Variants in KCNMA1 observed in about 807,000 individuals in gnomAD.
The protein encoded by KCNMA1 is Calcium-activated potassium channel subunit alpha-1.
A neutral mutation model predicts 140.0 loss-of-function variants in KCNMA1; 29 were observed. The ratio of observed to expected loss-of-function variants is 0.21; its 90% CI spans 0.15 to 0.28. KCNMA1 has a LOEUF of 0.28. Ranked by LOEUF, KCNMA1 falls within the 10% of genes least tolerant of loss-of-function variation. The probability of loss-of-function intolerance (pLI) is 1.00; values close to 1 mark genes in which losing one functional copy is unlikely to be tolerated. For synonymous variants in KCNMA1, 612 were observed against 611.9 expected, an observed-to-expected ratio of 1.00 and a Z score of 0.00; for missense variants, 880 against 1,602.2, an observed-to-expected ratio of 0.55 and a Z score of 7.70.
At chr10:77,155,064 G>A (rs2098467210) in intron 5 of KCNMA1, among the ~76,000 whole-genome samples, 1 of 152,136 alleles carries the variant, frequency 6.6e-6, no homozygotes, top group South Asian at 2.1e-4. Flanking sequence ...GAAGAAGCCT[G>A]GGGGGTGCAG....
At chr10:76,989,254 T>A (rs2082096434) in intron 19 of KCNMA1, among the ~76,000 whole-genome samples, 2 of 152,132 alleles carry the variant, frequency 1.3e-5, no homozygotes, top group South Asian at 4.1e-4. Flanking sequence ...CCTGTAAGAA[T>A]CTTCTGGGCT....
intron 1 of KCNMA1, among the ~76,000 whole-genome samples, chr10:77,488,591 G>A (rs1024507765): frequency 6.6e-6 from 1 of 152,188 alleles, no homozygotes; most frequent in Non-Finnish European, 1.5e-5. Context: ...CGGCTCAGCA[G>A]CAGCTCTGTG....
At chr10:77,404,631 G>C (rs1258260045) in intron 1 of KCNMA1, among the ~76,000 whole-genome samples, 2 of 152,186 alleles carry the variant, frequency 1.3e-5, no homozygotes, top group African/African-American at 4.8e-5. Context: ...TGAGGAGGGA[G>C]GAGGAAAGTG....
At chr10:77,427,373 G>A (rs1301833152) in intron 1 of KCNMA1, among the ~76,000 whole-genome samples, 1 of 152,224 alleles carries the variant, frequency 6.6e-6, no homozygotes, top group Non-Finnish European at 1.5e-5. Flanking sequence ...AGATGTTATT[G>A]GACGGGTTCT....
At chr10:77,576,708 G>A (rs1044794580) in intron 1 of KCNMA1, among the ~76,000 whole-genome samples, 13 of 152,268 alleles carry the variant, frequency 8.5e-5, no homozygotes, top group African/African-American at 3.1e-4. Flanking sequence ...GACTGCAAAG[G>A]AAGAAGATCC....
At chr10:77,561,218 A>ATTATCTCCCTGGATGGTATAGTAG (rs2066290737) in intron 1 of KCNMA1, among the ~76,000 whole-genome samples, 2 of 152,160 alleles carry the variant, frequency 1.3e-5, no homozygotes, top group Non-Finnish European at 1.5e-5. Context: ...CTTCACACAC[A>ATTATCTCCCTGGATGGTATAGTAG]TTATCTCCCT....
At chr10:77,344,147 C>T (rs1357399075) in intron 2 of KCNMA1, among the ~76,000 whole-genome samples, 1 of 152,212 alleles carries the variant, frequency 6.6e-6, no homozygotes, top group Non-Finnish European at 1.5e-5. Flanking sequence ...TGGAAATTTA[C>T]AGGAGCAACT....
intron 2 of KCNMA1, among the ~76,000 whole-genome samples, chr10:77,395,173 C>T (rs911364762): frequency 3.8e-4 from 57 of 151,834 alleles, no homozygotes; most frequent in African/African-American, 1.4e-3. Context: ...ACAGTAGAAC[C>T]CCATCAGTAC....
At chr10:77,416,194 C>T (rs569530735) in intron 1 of KCNMA1, among the ~76,000 whole-genome samples, 1 of 152,174 alleles carries the variant, frequency 6.6e-6, no homozygotes, top group East Asian at 1.9e-4. Flanking sequence ...CTTCAGGGGC[C>T]CAGGGTGTGT....
chr10:77,252,613 C>A (rs1354981731), intron 2 of KCNMA1, among the ~76,000 whole-genome samples: 2 of 151,640 alleles, frequency 1.3e-5, no homozygotes, highest in Admixed American at 6.6e-5. Flanking sequence ...TTTACACCCA[C>A]CCACACACAC....
At chr10:76,882,962 C>T (rs951744614), downstream of KCNMA1, among the ~76,000 whole-genome samples, 3 of 152,210 alleles carry the variant, frequency 2.0e-5, no homozygotes, top group Non-Finnish European at 4.4e-5. Context: ...TCCTCTTTCT[C>T]CTTCAAGGAG....
intron 2 of KCNMA1, among the ~76,000 whole-genome samples, chr10:77,316,114 TTTATTAATTTTCCACTTGA>T (rs2080815861): frequency 6.6e-6 from 1 of 152,166 alleles, no homozygotes; most frequent in Admixed American, 6.5e-5. Flanking sequence ...TCCTTTCTGG[TTTATTAATTTTCCACTTGA>T]CTGGACCAAA....
At chr10:77,159,537 T>C (rs1242253227) in intron 5 of KCNMA1, among the ~76,000 whole-genome samples, 1 of 152,122 alleles carries the variant, frequency 6.6e-6, no homozygotes, top group Non-Finnish European at 1.5e-5. Flanking sequence ...GTGGAAATGT[T>C]TTCCCTGGTC....
At chr10:77,115,967 T>G (rs1053529945) in intron 6 of KCNMA1, among the ~76,000 whole-genome samples, 3 of 152,150 alleles carry the variant, frequency 2.0e-5, no homozygotes, top group Admixed American at 1.3e-4. Context: ...GTAGGGCTCC[T>G]TGGGAAGAAA....
At chr10:77,114,758 T>C (rs983607081) in intron 6 of KCNMA1, among the ~76,000 whole-genome samples, 1 of 152,198 alleles carries the variant, frequency 6.6e-6, no homozygotes, top group Non-Finnish European at 1.5e-5. Context: ...TAAGATGTCT[T>C]TTGTAAAGTT....
intron 23 of KCNMA1, among the ~76,000 whole-genome samples, chr10:76,920,536 G>A (rs2055305171): frequency 6.6e-6 from 1 of 152,150 alleles, no homozygotes; most frequent in African/African-American, 2.4e-5. Flanking sequence ...TGCTTCTTAT[G>A]TGCCAGGCTG....
At chr10:77,268,627 C>G (rs1032308115) in intron 2 of KCNMA1, among the ~76,000 whole-genome samples, 3 of 152,118 alleles carry the variant, frequency 2.0e-5, no homozygotes, top group Non-Finnish European at 4.4e-5. Context: ...GCAGGCTTCT[C>G]AAGATCGCTT....
chr10:77,592,729 T>G (rs1471460979), intron 1 of KCNMA1, among the ~76,000 whole-genome samples: 1 of 152,184 alleles, frequency 6.6e-6, no homozygotes, highest in East Asian at 1.9e-4. Context: ...TTTACCCGTT[T>G]GTGCTTGTTC....
At chr10:77,146,845 T>G (rs1212151659) in intron 5 of KCNMA1, among the ~76,000 whole-genome samples, 1 of 151,034 alleles carries the variant, frequency 6.6e-6, no homozygotes, top group Non-Finnish European at 1.5e-5. Context: ...ACATAATCAC[T>G]CATTCCTGGT....
Sources: gnomAD v4.1 joint callset for allele counts (sites outside exome capture counted in the v4.1 genomes callset) on GRCh38, gnomAD v4.1.1 for gene constraint, MANE v1.5 for transcripts, NCBI Gene and HGNC (gene_info 2026-07-23, HGNC 2026-07-21) for gene names.